Variants in FBL observed in about 807,000 individuals in gnomAD.
FBL encodes the protein rRNA 2'-O-methyltransferase fibrillarin.
Under a neutral mutation model 42.2 loss-of-function variants are expected in FBL, and 10 were observed. The observed-to-expected ratio is 0.24, with a 90% CI of 0.15 to 0.40. The LOEUF (loss-of-function observed/expected upper bound fraction) is 0.40. FBL is among the 10% of genes least tolerant of loss of function. FBL has a pLI of 1.00. For synonymous variants in FBL, 165 were observed against 165.4 expected (o/e 1.00, Z 0.02); for missense variants, 351 against 439.2 (o/e 0.80, Z 1.79).
chr19:39,837,294 T>A (rs532277281), intron 6 of FBL, among the ~76,000 whole-genome samples: 3 of 152,344 alleles, frequency 2.0e-5, no homozygotes, highest in Admixed American at 6.5e-5. Flanking sequence ...TTATATTATA[T>A]CTTTGAATGT....
In FBL at chr19:39,840,539, A is replaced by G. The variant is rs1969141494; in HGVS notation, c.182-24T>C. On this transcript the variant is annotated intron_variant, in intron 2 of 8. Coordinates refer to ENST00000221801, the MANE Select transcript of FBL (RefSeq NM_001436.4). The surrounding 1 kb of genome is among the most constrained non-coding windows in gnomAD (Gnocchi z 4.5). ...ACCTATAAAGGAGAGGTACAACAGG[A>G]GAGAAAGATCCTGAATCTCCGCCCT... is the stretch of plus-strand genomic sequence containing the variant. The G allele has an allele frequency of 6.2e-7, 1 of 1,613,884 alleles. No homozygotes were observed. The highest frequency in any genetic ancestry group is 1.3e-5 in the African/African-American group (1 of 74,990).
intron 5 of FBL, 140 bp from the exon 6 acceptor site, chr19:39,837,983 T>C (rs1353619350): frequency 3.2e-6 from 2 of 626,570 alleles, no homozygotes; most frequent in Non-Finnish European, 5.3e-6. Flanking sequence ...TGCTATCATG[T>C]CCATTTTTCA....
rs563820734 is a variant in FBL, at chr19:39,846,235, A to T, written c.10+56T>A. The T allele has an allele frequency of 6.2e-5, 99 of 1,608,440 alleles. No individual in the cohort carries two copies. In the East Asian group the frequency reaches 2.2e-3, roughly 36 times the overall value. On this transcript the variant is annotated intron_variant, in intron 1 of 8. Transcript: ENST00000221801. ...CCCACCCCTCCGATTCTGGCCTGGC[A>T]CCCGGATTCCCGCCCGGCCTCCGTC...
chr19:39,842,258 T>C (rs1215262254), intron 1 of FBL, among the ~76,000 whole-genome samples: 3 of 152,126 alleles, frequency 2.0e-5, no homozygotes, highest in African/African-American at 7.2e-5. Context: ...GCTAATTTTT[T>C]TGTATTTTTA....
chr19:39,840,110 G>C lies in FBL; in HGVS notation c.378+123C>G, dbSNP rs1969129823. The C allele has an allele frequency of 1.4e-6, 1 of 715,950 alleles. No homozygotes were observed. Among genetic ancestry groups the C allele is most frequent in the African/African-American group, 1.8e-5 (1 of 57,052 alleles). 44.3% of individuals were successfully genotyped at this position (715,950 alleles called of 1,614,324 possible). On this transcript the variant is annotated intron_variant, in intron 4 of 8. Transcript: ENST00000221801. The surrounding 1 kb of genome is among the most constrained non-coding windows in gnomAD (Gnocchi z 4.5). Reference sequence around the variant, plus strand: ...AGGCGGATGAGGGAGCAGACAGTGTGGTTTACATATTATGACAATCCTCCA... The same window carrying C: ...AGGCGGATGAGGGAGCAGACAGTGTCGTTTACATATTATGACAATCCTCCA...
At chr19:39,836,196 G>T (rs1969045060) in intron 7 of FBL, among the ~76,000 whole-genome samples, 1 of 151,634 alleles carries the variant, frequency 6.6e-6, no homozygotes, top group South Asian at 2.1e-4. Flanking sequence ...GATGCACCTA[G>T]CTTTTATCTA....
chr19:39,840,560 G>T lies in FBL; in HGVS notation c.182-45C>A. The T allele has an allele frequency of 6.2e-7, 1 of 1,612,356 alleles. No homozygotes were observed. On this transcript the variant is annotated intron_variant, in intron 2 of 8. Transcript: ENST00000221801. This position sits in a 1 kb window ranked among gnomAD's most constrained non-coding sequence, Gnocchi z 4.5. ...CAGGAGAGAAAGATCCTGAATCTCC[G>T]CCCTCCCCACTCCCCACCTCAGGAA...
chr19:39,838,140 A>C, intron 5 of FBL: 3 of 343,048 alleles, frequency 8.7e-6, no homozygotes, highest in South Asian at 3.5e-5. Context: ...TGATGTAACA[A>C]TGGGCCAACC....
chr19:39,846,266 C>T (rs770428417), intron 1 of FBL, 25 bp downstream of exon 1: 17 of 1,613,686 alleles, frequency 1.1e-5, no homozygotes, highest in Non-Finnish European at 1.4e-5. Flanking sequence ...CCGTCCCTGA[C>T]CCCGGACCCT....
chr19:39,840,455 T>C lies in FBL; in HGVS notation c.242A>G (p.Gln81Arg). ...CTCCACCATCACATTCTTCCCCGAC[T>C]GGTTTCCTCTTTTTCCTCCCCGACC... ...GRGRGGKRGN[Q>R]SGKNVMVEPH... The change falls in exon 3 of 9, where the codon CAG (glutamine) becomes CGG (arginine). Residue 81 changes from glutamine (Q) to arginine (R), a missense_variant. Transcript: ENST00000221801. The surrounding 1 kb of genome is among the most constrained non-coding windows in gnomAD (Gnocchi z 4.5). 6.2e-7 allele frequency: 1 copy of C among 1,614,088 alleles called. No individual in the cohort carries two copies.
chr19:39,837,697 C>T lies in FBL; in HGVS notation c.682+14G>A, dbSNP rs1425034185. On this transcript the variant is annotated intron_variant, in intron 6 of 8. Transcript: ENST00000221801. ...CCTGTCCTACCCCACCGGGGCCACC[C>T]CCAGACCCCTCACCGATGAGCATGC... 6.4e-7 allele frequency: 1 copy of T among 1,557,276 alleles called. No individual in the cohort carries two copies. The highest frequency in any genetic ancestry group is 1.3e-5 in the South Asian group (1 of 79,958).
chr19:39,846,288 G>C lies in FBL; in HGVS notation c.10+3C>G, dbSNP rs1969261231. 1 of 1,613,768 alleles carries C rather than the reference G, an allele frequency of 6.2e-7. No homozygotes were observed. Among genetic ancestry groups the C allele is most frequent in the African/African-American group, 1.3e-5 (1 of 74,930 alleles). ...TGACCCCGGACCCTCACCCCAGCCT[G>C]ACCTGGCTTCATGGCGAGCCCTGGT... On this transcript the variant is annotated splice_donor_region_variant and intron_variant, in intron 1 of 8. Transcript: ENST00000221801.
In FBL at chr19:39,836,571, A is replaced by T. The variant is rs1457209691; in HGVS notation, c.780T>A (p.Phe260Leu). 1.9e-6 allele frequency: 3 copies of T among 1,611,878 alleles called. No individual in the cohort carries two copies. In the African/African-American group the frequency reaches 4.0e-5, roughly 22 times the overall value. The change falls in exon 7 of 9, where the codon TTT becomes TTA. Residue 260 changes from phenylalanine to leucine, a missense_variant. By Grantham distance (22) the Phe-to-Leu change is conservative. Coordinates refer to ENST00000221801, the MANE Select transcript of FBL (RefSeq NM_001436.4). ...AACCCCGCACCTTAATGGAAATCAC[A>T]AAGTGTCCTCCATTACGCAGGAAGG... ...AHTFLRNGGH[F>L]VISIKANCID...
chr19:39,838,693 G>T (rs1287097014), intron 5 of FBL: 2 of 200,720 alleles, frequency 1.0e-5, no homozygotes, highest in Non-Finnish European at 1.0e-5. Flanking sequence ...AAACCATGAA[G>T]ATCTCCTGGT....
Position 39,834,775 on chromosome 19 carries a change from C to G in FBL, c.834G>C (p.Val278=), listed in dbSNP as rs761791936. The change falls in exon 8 of 9, where the codon GTG becomes GTC. Residue 278 remains valine (V), a synonymous_variant. Transcript: ENST00000221801. ...GCATCTTTTTCACTTCGGAGGCAAA[C>G]ACGGCCTCGGCTGAGGCTGTGGAGT... The part of the protein sequence containing the change: ...CIDSTASAEA[V]FASEVKKMQQ... 3 of 1,614,096 alleles carry G rather than the reference C, an allele frequency of 1.9e-6. No homozygotes were observed. In the Admixed American group the frequency reaches 5.0e-5, roughly 27 times the overall value.
In FBL at chr19:39,839,109, G is replaced by A. The variant is rs1172515362; in HGVS notation, c.475C>T (p.Pro159Ser). Residue 159 changes from proline to serine, a missense_variant, in exon 5 of 9, where the codon CCG becomes TCG. By Grantham distance (74) the Pro-to-Ser change is moderately conservative. Transcript: ENST00000221801. The stretch of plus-strand genomic sequence containing the variant: ...CCGAGGTAGAGAACCTTAGCCCCCG[G>A]TTTGATGTGGATCTGGTCCACACCA... ...LGGVDQIHIKPGAKVLYLGAA... is the reference protein window; with the variant it reads ...LGGVDQIHIKSGAKVLYLGAA... 1.2e-6 allele frequency: 2 copies of A among 1,614,026 alleles called. No homozygotes were observed. Among genetic ancestry groups the A allele is most frequent in the Non-Finnish European group, 1.7e-6 (2 of 1,180,026 alleles).
Position 39,834,544 on chromosome 19 carries a change from C to T in FBL, c.960G>A (p.Lys320=). The T allele has an allele frequency of 6.2e-7, 1 of 1,614,148 alleles. No individual in the cohort carries two copies. The highest frequency in any genetic ancestry group is 8.5e-7 in the Non-Finnish European group (1 of 1,180,026). ...ATCCTGACAGCGCTGAACTTCAGTTCTTCACCTTGGGGGGTGGCCTGTGAG... is the reference window on the plus strand; with the variant it reads ...ATCCTGACAGCGCTGAACTTCAGTTTTTCACCTTGGGGGGTGGCCTGTGAG... ...VGVYRPPPKV[K]N The change falls in exon 9 of 9, where the codon AAG becomes AAA. Residue 320 remains lysine (K), a synonymous_variant. Coordinates refer to ENST00000221801, the MANE Select transcript of FBL (RefSeq NM_001436.4).
chr19:39,841,157 G>A (rs371460645), intron 1 of FBL, among the ~76,000 whole-genome samples: 4 of 151,912 alleles, frequency 2.6e-5, no homozygotes, highest in East Asian at 3.9e-4. Flanking sequence ...CCGCAGCCTC[G>A]AACTCCTGGG....
rs1304123911 is a variant in FBL, at chr19:39,839,044, G to A, written c.540C>T (p.Ile180=). The A allele has an allele frequency of 8.1e-6, 13 of 1,611,062 alleles. No individual in the cohort carries two copies. Among genetic ancestry groups the A allele is most frequent in the East Asian group, 2.2e-5 (1 of 44,860 alleles). ...CCATCTACTCACTCACCGGACCAAC[G>A]ATGTCAGAGACATGGGAGACCGTGG... is the stretch of plus-strand genomic sequence containing the variant. ...SGTTVSHVSD[I]VGPDGLVYAV... The change falls in exon 5 of 9, where the codon ATC becomes ATT. Residue 180 remains isoleucine (I), a synonymous_variant. Coordinates refer to ENST00000221801, the MANE Select transcript of FBL (RefSeq NM_001436.4).
Sources: gnomAD v4.1 joint callset for allele counts (sites outside exome capture counted in the v4.1 genomes callset) on GRCh38, gnomAD v4.1.1 for gene constraint, Gnocchi (gnomAD v3.1) non-coding constraint, MANE v1.5 for transcripts, NCBI Gene and HGNC (gene_info 2026-07-23, HGNC 2026-07-21) for gene names.